The following CMIP variants were observed in gnomAD, a reference collection of about 807,000 sequenced individuals.
CMIP encodes C-Maf-inducing protein.
In CMIP, 13 loss-of-function variants were observed where a neutral mutation model predicts 97.3. The observed-to-expected ratio is 0.13, with a 90% CI of 0.09 to 0.21. CMIP has a LOEUF of 0.21. CMIP is among the 10% of genes least tolerant of loss of function. CMIP has a pLI of 1.00. For missense variants in CMIP, 847 were observed against 1,024.9 expected (o/e 0.83, Z 2.37); for synonymous variants, 538 against 436.3 (o/e 1.23, Z -2.91).
At chr16:81,482,336 C>G (rs931249385) in intron 1 of CMIP, among the ~76,000 whole-genome samples, 5 of 152,138 alleles carry the variant, frequency 3.3e-5, no homozygotes, top group Non-Finnish European at 2.9e-5. Flanking sequence ...TGATTAGGGC[C>G]ATTATTGTGC....
chr16:81,667,795 A>T (rs1318767771), intron 7 of CMIP, among the ~76,000 whole-genome samples: 2,245 of 67,516 alleles, frequency 0.033, 25 homozygotes, highest in East Asian at 0.14. Context: ...AGAGAGAGAG[A>T]GAGAGTGTGT....
chr16:81,696,289 G>A, intron 13 of CMIP: 1 of 546,250 alleles, frequency 1.8e-6, no homozygotes, highest in South Asian at 2.0e-5. Flanking sequence ...GCTTCATTCA[G>A]ATCAGCCAAT....
At chr16:81,535,732 G>A (rs1199337281) in intron 1 of CMIP, among the ~76,000 whole-genome samples, 1 of 152,044 alleles carries the variant, frequency 6.6e-6, no homozygotes, top group Non-Finnish European at 1.5e-5. Context: ...TCAGACACTC[G>A]TTTACAGATG....
chr16:81,696,485 A>G (rs1350323979), intron 13 of CMIP, 75 bp from the exon 14 acceptor site: 26 of 1,410,512 alleles, frequency 1.8e-5, no homozygotes, highest in Non-Finnish European at 4.9e-6. Flanking sequence ...TTTCCCATTC[A>G]TGTGTGCAGA....
At chr16:81,702,823 AGGTAGCTG>A (rs1286511843) in intron 17 of CMIP, among the ~76,000 whole-genome samples, 154 bp downstream of exon 17, 21 of 152,154 alleles carry the variant, frequency 1.4e-4, no homozygotes, top group Non-Finnish European at 2.9e-5. Context: ...CTCTTCCAGG[AGGTAGCTG>A]GGTTACAGGA....
In CMIP at chr16:81,642,874, T is replaced by A. The variant is rs142030822; in HGVS notation, c.478-9329T>A. Among the ~76,000 whole-genome samples, 737 of 152,010 alleles carry A rather than the reference T, an allele frequency of 4.8e-3. 3 individuals carry two copies. Among genetic ancestry groups the A allele is most frequent in the Non-Finnish European group, 8.1e-3 (550 of 67,988 alleles). ...TCGCACCACTGCACTCCAGCCTGGG[T>A]AACAGAGTGAGACTCCATCTCGCAA... On this transcript the variant is annotated intron_variant, in intron 3 of 20. Coordinates refer to ENST00000537098, the MANE Select transcript of CMIP (RefSeq NM_198390.3).
intron 1 of CMIP, among the ~76,000 whole-genome samples, chr16:81,521,940 A>G (rs2090036869): frequency 6.6e-6 from 1 of 152,220 alleles, no homozygotes; most frequent in African/African-American, 2.4e-5. Flanking sequence ...AGTGAAATGC[A>G]GGGTACAGAA....
chr16:81,493,690 AAT>A (rs1237289213), intron 1 of CMIP, among the ~76,000 whole-genome samples: 1 of 152,236 alleles, frequency 6.6e-6, no homozygotes, highest in Non-Finnish European at 1.5e-5. Context: ...CACCAACAGT[AAT>A]AACAATGGCA....
intron 1 of CMIP, among the ~76,000 whole-genome samples, chr16:81,467,012 CAG>C (rs1435892210): frequency 6.6e-6 from 1 of 152,198 alleles, no homozygotes; most frequent in Non-Finnish European, 1.5e-5. Context: ...GGAAAATAAA[CAG>C]AAACCCCCAA....
At chr16:81,589,918 G>A (rs752570235) in intron 1 of CMIP, among the ~76,000 whole-genome samples, 8 of 152,226 alleles carry the variant, frequency 5.3e-5, no homozygotes, top group African/African-American at 1.4e-4. Flanking sequence ...ATAGGCCGGC[G>A]TCAGCCCTGG....
At chr16:81,699,642 C>A in intron 14 of CMIP, 43 bp from the exon 15 acceptor site, 1 of 1,326,472 alleles carries the variant, frequency 7.5e-7, no homozygotes, top group Non-Finnish European at 1.1e-6. Context: ...GAGGCTGGCA[C>A]TGGGTGTCTC....
chr16:81,541,555 G>A (rs1373443590), intron 1 of CMIP, among the ~76,000 whole-genome samples: 3 of 152,162 alleles, frequency 2.0e-5, no homozygotes, highest in African/African-American at 7.2e-5. Flanking sequence ...GCTGGTGAGA[G>A]GTGTTACTGG....
intron 1 of CMIP, among the ~76,000 whole-genome samples, chr16:81,501,696 C>A (rs1393733792): frequency 6.7e-6 from 1 of 150,358 alleles, no homozygotes; most frequent in East Asian, 2.0e-4. Flanking sequence ...ACTGCAACTT[C>A]TGCTTCCCAG....
At chr16:81,636,639 G>T (rs568499038) in intron 3 of CMIP, among the ~76,000 whole-genome samples, 1 of 150,018 alleles carries the variant, frequency 6.7e-6, no homozygotes, top group South Asian at 2.1e-4. Context: ...CCTGGGGAAA[G>T]ATACAATATC....
At chr16:81,501,888 A>G (rs1228340147) in intron 1 of CMIP, among the ~76,000 whole-genome samples, 3 of 152,216 alleles carry the variant, frequency 2.0e-5, no homozygotes, top group African/African-American at 7.2e-5. Flanking sequence ...CTGGGGTTAC[A>G]GGCGTGAGCC....
At chr16:81,475,657 C>T (rs1282134550) in intron 1 of CMIP, among the ~76,000 whole-genome samples, 1 of 152,156 alleles carries the variant, frequency 6.6e-6, no homozygotes, top group Non-Finnish European at 1.5e-5. Flanking sequence ...GGGGTGCTCT[C>T]CTGAGCTACA....
At chr16:81,519,034 C>G (rs146996126) in intron 1 of CMIP, 1 of 152,094 alleles carries the variant, frequency 6.6e-6, no homozygotes, top group Non-Finnish European at 1.5e-5. Context: ...GGGGTTTCAC[C>G]GTGTTGGCCA....
chr16:81,506,925 A>T (rs543703211), intron 1 of CMIP, among the ~76,000 whole-genome samples: 7 of 149,950 alleles, frequency 4.7e-5, no homozygotes, highest in South Asian at 2.1e-4. Context: ...AAAAAAAGAA[A>T]TGGCTCAAAG....
intron 1 of CMIP, among the ~76,000 whole-genome samples, chr16:81,540,029 A>G (rs908932148): frequency 2.0e-5 from 3 of 152,220 alleles, no homozygotes; most frequent in African/African-American, 7.2e-5. Context: ...GCAGTGAACG[A>G]AGCCGAAAGT....
Sources: allele counts gnomAD v4.1 joint callset (sites outside exome capture counted in the v4.1 genomes callset), GRCh38; gene constraint gnomAD v4.1.1; transcripts MANE v1.5; gene names NCBI Gene and HGNC (gene_info 2026-07-23, HGNC 2026-07-21).